Variants in TAX1BP1 observed in about 807,000 individuals in gnomAD.
TAX1BP1 encodes tax1-binding protein 1.
A neutral mutation model predicts 97.7 loss-of-function variants in TAX1BP1; 62 were observed. The observed-to-expected ratio is 0.63, with a 90% CI of 0.52 to 0.78. The LOEUF (loss-of-function observed/expected upper bound fraction) is 0.78, where lower values mean the gene tolerates loss of function less well. Among genes scored for constraint, TAX1BP1 ranks in the 30% least tolerant of loss-of-function variants. TAX1BP1 has a pLI of 0.00. For missense variants in TAX1BP1, 867 were observed against 916.1 expected (o/e 0.95, Z 0.69); for synonymous variants, 340 against 304.2 (o/e 1.12, Z -1.23).
chr7:27,824,742 G>GTA (rs1359230576), intron 15 of TAX1BP1, among the ~76,000 whole-genome samples: 1 of 152,114 alleles, frequency 6.6e-6, no homozygotes, highest in Non-Finnish European at 1.5e-5. Context: ...AATGGAAAGA[G>GTA]TATTGTGCTG....
chr7:27,762,225 G>A (rs1243389252), intron 3 of TAX1BP1, among the ~76,000 whole-genome samples: 1 of 152,078 alleles, frequency 6.6e-6, no homozygotes, highest in Non-Finnish European at 1.5e-5. Flanking sequence ...TTTGGATAAG[G>A]AAATGTTGTA....
intron 4 of TAX1BP1, 113 bp from the exon 5 acceptor site, chr7:27,769,563 G>A (rs1788766869): frequency 1.2e-6 from 1 of 861,220 alleles, no homozygotes; most frequent in Non-Finnish European, 1.8e-6. Context: ...GAATGTAAGA[G>A]TTCTTTCTGT....
At chr7:27,801,559 T>C (rs1327612216) in intron 13 of TAX1BP1, among the ~76,000 whole-genome samples, 1 of 152,172 alleles carries the variant, frequency 6.6e-6, no homozygotes, top group Non-Finnish European at 1.5e-5. Context: ...TAAAGTGCTA[T>C]GTTAGATATT....
intron 13 of TAX1BP1, chr7:27,803,006 G>C (rs1790196636): frequency 9.0e-7 from 1 of 1,108,792 alleles, no homozygotes; most frequent in African/African-American, 1.6e-5. Context: ...CGTGGATTTA[G>C]TAATAGGAAT....
At chr7:27,758,903 C>T (rs1788323841) in intron 3 of TAX1BP1, among the ~76,000 whole-genome samples, 1 of 151,586 alleles carries the variant, frequency 6.6e-6, no homozygotes, top group Non-Finnish European at 1.5e-5. Flanking sequence ...GGTTGCACAA[C>T]AATATGAATG....
At chr7:27,824,491 C>T (rs1414091833) in intron 15 of TAX1BP1, among the ~76,000 whole-genome samples, 1 of 139,958 alleles carries the variant, frequency 7.1e-6, no homozygotes, top group Non-Finnish European at 1.5e-5. Context: ...GAGGTCATGG[C>T]TGCAGTGATC....
At chr7:27,773,872 G>A (rs1788933946) in intron 5 of TAX1BP1, among the ~76,000 whole-genome samples, 1 of 151,980 alleles carries the variant, frequency 6.6e-6, no homozygotes, top group Admixed American at 6.6e-5. Flanking sequence ...CCTCTGTTAA[G>A]TTTTTCAGTT....
At chr7:27,794,732 C>T (rs910820358) in intron 11 of TAX1BP1, among the ~76,000 whole-genome samples, 4 of 152,094 alleles carry the variant, frequency 2.6e-5, no homozygotes, top group Admixed American at 2.0e-4. Flanking sequence ...CTCATTTGGG[C>T]TACATAGGAC....
intron 1 of TAX1BP1, among the ~76,000 whole-genome samples, chr7:27,742,754 C>T (rs1787671137): frequency 6.6e-6 from 1 of 152,192 alleles, no homozygotes; most frequent in Admixed American, 6.5e-5. Flanking sequence ...GTGTGAGCCA[C>T]CGCACCCAGC....
chr7:27,766,054 A>C, intron 4 of TAX1BP1, 33 bp downstream of exon 4: 2 of 1,590,182 alleles, frequency 1.3e-6, no homozygotes, highest in Non-Finnish European at 1.7e-6. Flanking sequence ...TGATTCATTG[A>C]TAATTTTAAG....
intron 5 of TAX1BP1, among the ~76,000 whole-genome samples, chr7:27,784,925 T>C (rs1471714569): frequency 6.6e-6 from 1 of 152,110 alleles, no homozygotes. Flanking sequence ...GCCACCATAC[T>C]GCAGCCTGAG....
At chr7:27,813,145 C>CTT (rs57301512) in intron 13 of TAX1BP1, among the ~76,000 whole-genome samples, 30,640 of 108,784 alleles carry the variant, frequency 0.28, 5,031 homozygotes, top group Non-Finnish European at 0.32. Context: ...CTTTGTTCTG[C>CTT]TTTTTTTTTT....
chr7:27,793,204 G>C lies in TAX1BP1; in HGVS notation c.1402G>C (p.Asp468His). ...CCAAAAACAAATAAACAAACTTTCAGATCAATCAGTAAGTATCATTAAATT... is the reference window on the plus strand; with the variant it reads ...CCAAAAACAAATAAACAAACTTTCACATCAATCAGTAAGTATCATTAAATT... Reference protein sequence around the residue: ...RLQKQINKLSDQSANNNNVFT... With the variant: ...RLQKQINKLSHQSANNNNVFT... Residue 468 changes from aspartate to histidine, a missense_variant, in exon 10 of 17, where the codon GAT (aspartate) becomes CAT (histidine). Coordinates refer to ENST00000396319, the MANE Select transcript of TAX1BP1 (RefSeq NM_006024.7). 1 of 1,581,772 alleles carries C rather than the reference G, an allele frequency of 6.3e-7. No homozygotes were observed. Among genetic ancestry groups the C allele is most frequent in the Non-Finnish European group, 8.5e-7 (1 of 1,172,470 alleles).
At chr7:27,790,117 A>C (rs1004582858) in intron 8 of TAX1BP1, among the ~76,000 whole-genome samples, 2 of 152,020 alleles carry the variant, frequency 1.3e-5, no homozygotes, top group African/African-American at 4.8e-5. Flanking sequence ...TATTGAATTT[A>C]TGAATATACG....
intron 4 of TAX1BP1, among the ~76,000 whole-genome samples, 174 bp from the exon 5 acceptor site, chr7:27,769,502 G>A (rs1266970845): frequency 6.6e-6 from 1 of 151,812 alleles, no homozygotes; most frequent in East Asian, 1.9e-4. Context: ...TATGATTGAT[G>A]AATTTTTCTA....
chr7:27,827,400 A>G (rs1486262351), intron 15 of TAX1BP1, among the ~76,000 whole-genome samples: 1 of 151,948 alleles, frequency 6.6e-6, no homozygotes, highest in Non-Finnish European at 1.5e-5. Context: ...GCAGAATGAT[A>G]AAGTCAGTAA....
At chr7:27,809,285 A>C (rs1476678546) in intron 13 of TAX1BP1, among the ~76,000 whole-genome samples, 2 of 152,254 alleles carry the variant, frequency 1.3e-5, no homozygotes, top group Non-Finnish European at 2.9e-5. Context: ...AGATGGCTAC[A>C]ACAAATGTAA....
intron 1 of TAX1BP1, among the ~76,000 whole-genome samples, chr7:27,748,047 G>A (rs566034914): frequency 6.6e-6 from 1 of 152,174 alleles, no homozygotes; most frequent in East Asian, 1.9e-4. Context: ...TTAGGGAGGA[G>A]AATGATGAAG....
At chr7:27,776,948 T>A (rs971354823) in intron 5 of TAX1BP1, among the ~76,000 whole-genome samples, 3 of 152,106 alleles carry the variant, frequency 2.0e-5, no homozygotes, top group Non-Finnish European at 2.9e-5. Flanking sequence ...ATATATATAT[T>A]TTTTATCTCA....
Sources: gnomAD v4.1 joint callset for allele counts (sites outside exome capture counted in the v4.1 genomes callset) on GRCh38, gnomAD v4.1.1 for gene constraint, MANE v1.5 for transcripts, NCBI Gene and HGNC (gene_info 2026-07-23, HGNC 2026-07-21) for gene names.